Variants in ACYP2 observed in about 807,000 individuals in gnomAD.
The protein encoded by ACYP2 is acylphosphatase-2.
A neutral mutation model predicts 11.2 loss-of-function variants in ACYP2; 12 were observed. The observed-to-expected ratio is 1.08, with a 90% CI of 0.69 to 1.74. The LOEUF (loss-of-function observed/expected upper bound fraction) is 1.74. Ranked by LOEUF, ACYP2 falls within the 40% of genes most tolerant of loss-of-function variation. ACYP2 has a pLI of 0.00. For missense variants in ACYP2, 134 were observed against 101.9 expected, an observed-to-expected ratio of 1.31 and a Z score of -1.35; for synonymous variants, 43 against 32.2, an observed-to-expected ratio of 1.33 and a Z score of -1.13.
chr2:53,975,342 C>G (rs1671418788), intron 2 of ACYP2: 1 of 398,298 alleles, frequency 2.5e-6, no homozygotes, highest in Non-Finnish European at 4.4e-6. Flanking sequence ...AGGTCTCTTC[C>G]TCTTATTCTA....
At chr2:54,026,603 G>T (rs1674300958) in intron 2 of ACYP2, among the ~76,000 whole-genome samples, 1 of 152,140 alleles carries the variant, frequency 6.6e-6, no homozygotes, top group African/African-American at 2.4e-5. Flanking sequence ...AAAGACACTT[G>T]CACATGCTTG....
chr2:54,259,339 C>T (rs1687684085), intron 6 of ACYP2, among the ~76,000 whole-genome samples: 1 of 152,138 alleles, frequency 6.6e-6, no homozygotes, highest in South Asian at 2.1e-4. Context: ...GGATAATCAG[C>T]ATGCATGGAA....
intron 6 of ACYP2, among the ~76,000 whole-genome samples, chr2:54,250,520 C>T (rs1308829912): frequency 2.0e-5 from 3 of 152,120 alleles, no homozygotes; most frequent in African/African-American, 7.2e-5. Context: ...ATGTTGATAG[C>T]TACCAATAGC....
At chr2:54,054,030 A>G (rs1229700121) in intron 3 of ACYP2, among the ~76,000 whole-genome samples, 3 of 152,198 alleles carry the variant, frequency 2.0e-5, no homozygotes, top group African/African-American at 7.2e-5. Context: ...AATTGGTATA[A>G]AAACCCTAAC....
At chr2:54,210,510 G>A (rs1685289663) in intron 6 of ACYP2, among the ~76,000 whole-genome samples, 1 of 152,182 alleles carries the variant, frequency 6.6e-6, no homozygotes, top group Non-Finnish European at 1.5e-5. Flanking sequence ...TGGGATGGGT[G>A]ACTCTGCTTT....
intron 4 of ACYP2, among the ~76,000 whole-genome samples, chr2:54,065,270 G>C (rs1275668650): frequency 6.6e-6 from 1 of 152,126 alleles, no homozygotes; most frequent in African/African-American, 2.4e-5. Flanking sequence ...GAGGCATCAA[G>C]GTTAGTCCTT....
At chr2:54,001,290 G>A (rs1396831115) in intron 2 of ACYP2, among the ~76,000 whole-genome samples, 4 of 152,118 alleles carry the variant, frequency 2.6e-5, no homozygotes, top group Non-Finnish European at 5.9e-5. Flanking sequence ...GGGTCTGGGT[G>A]TTTGAAGCTG....
chr2:54,233,055 A>C (rs1321291223), intron 6 of ACYP2, among the ~76,000 whole-genome samples: 1 of 151,496 alleles, frequency 6.6e-6, no homozygotes, highest in African/African-American at 2.4e-5. Flanking sequence ...TTTTTTTTTT[A>C]ATCATGAATG....
Position 54,057,234 on chromosome 2 carries a change from T to A in ACYP2, c.156-5T>A. The A allele has an allele frequency of 2.5e-6, 1 of 397,864 alleles. No homozygotes were observed. The highest frequency in any genetic ancestry group is 4.4e-6 in the Non-Finnish European group (1 of 225,580). 24.6% of individuals were successfully genotyped at this position (397,864 alleles called of 1,614,324 possible). A position where few individuals can be genotyped will look rare whatever the true frequency, so the allele number is the denominator to read the frequency against. ...TCTTACTGTTCTCACATATTTTGTT[T>A]CCAGCTATAAATTCATACAATTATC... On this transcript the variant is annotated splice_region_variant and splice_polypyrimidine_tract_variant and intron_variant, in intron 3 of 6. Transcript: ENST00000607452.
chr2:54,260,133 C>T (rs1396726789), intron 6 of ACYP2, among the ~76,000 whole-genome samples: 1 of 152,094 alleles, frequency 6.6e-6, no homozygotes, highest in Non-Finnish European at 1.5e-5. Context: ...ATGGCAAGTT[C>T]ACTAGTGGTA....
At position 54,208,608 on chromosome 2, in the gene ACYP2, G is replaced by A. The variant is rs551903777; in HGVS notation, c.404+69860G>A. Among the ~76,000 whole-genome samples the A allele has an allele frequency of 8.5e-5, 13 of 152,122 alleles. No individual in the cohort carries two copies. In the South Asian group the frequency reaches 2.7e-3, roughly 32 times the overall value. On this transcript the variant is annotated intron_variant, in intron 6 of 6. Coordinates refer to ENST00000607452, the MANE Select transcript of ACYP2 (RefSeq NM_001320586.2). ...TCTTAGCTCCAAAGGCCTCTTTGCTGCAGAAGCCCAAATTGAAAGAGTGGC... is the reference window on the plus strand; with the variant it reads ...TCTTAGCTCCAAAGGCCTCTTTGCTACAGAAGCCCAAATTGAAAGAGTGGC...
intron 6 of ACYP2, among the ~76,000 whole-genome samples, chr2:54,291,014 A>T (rs1689281958): frequency 6.6e-6 from 1 of 152,106 alleles, no homozygotes; most frequent in African/African-American, 2.4e-5. Context: ...TAGAAAGATG[A>T]TCTATTCTTG....
chr2:54,272,299 G>C (rs1427522065), intron 6 of ACYP2, among the ~76,000 whole-genome samples: 2 of 152,154 alleles, frequency 1.3e-5, no homozygotes, highest in East Asian at 3.9e-4. Flanking sequence ...GTGTCTCTGG[G>C]CTCCTGTGAC....
intron 6 of ACYP2, among the ~76,000 whole-genome samples, chr2:54,228,507 C>G (rs1286294478): frequency 6.6e-6 from 1 of 152,184 alleles, no homozygotes; most frequent in African/African-American, 2.4e-5. Context: ...ATTCAGGGAA[C>G]TTGACTTCAG....
intron 4 of ACYP2, among the ~76,000 whole-genome samples, chr2:54,059,903 T>C (rs1317421154): frequency 6.6e-6 from 1 of 152,228 alleles, no homozygotes; most frequent in Non-Finnish European, 1.5e-5. Context: ...CTGAACTCAG[T>C]TGCTACCAGC....
chr2:54,086,012 C>T (rs924560525), intron 4 of ACYP2, among the ~76,000 whole-genome samples: 2 of 152,078 alleles, frequency 1.3e-5, no homozygotes, highest in Non-Finnish European at 2.9e-5. Flanking sequence ...GGCGCAGTCT[C>T]GGCTCACTGC....
rs796344201 is a variant in ACYP2, at chr2:54,060,875, A to G, written c.277+3515A>G. Among the ~76,000 whole-genome samples the G allele has an allele frequency of 4.0e-5, 6 of 151,688 alleles. 1 individual carries two copies. Among genetic ancestry groups the G allele is most frequent in the African/African-American group, 1.5e-4 (6 of 41,300 alleles). ...CGTTATTTACCATTCTTTCATTTGT[A>G]TCCTAGCTTTCAAATACTTGTTTTT... On this transcript the variant is annotated intron_variant, in intron 4 of 6. Transcript: ENST00000607452.
intron 2 of ACYP2, among the ~76,000 whole-genome samples, chr2:53,975,966 A>G (rs1671462825): frequency 6.6e-6 from 1 of 152,224 alleles, no homozygotes. Context: ...GGCCCTTCAA[A>G]GAAAATATTC....
At chr2:54,149,996 T>C (rs866857741) in intron 6 of ACYP2, among the ~76,000 whole-genome samples, 18 of 152,370 alleles carry the variant, frequency 1.2e-4, no homozygotes, top group Admixed American at 9.1e-4. Flanking sequence ...TGGGTGAATT[T>C]GCTGAATTTG....
Sources: gnomAD v4.1 joint callset for allele counts (sites outside exome capture counted in the v4.1 genomes callset) on GRCh38, gnomAD v4.1.1 for gene constraint, MANE v1.5 for transcripts, NCBI Gene and HGNC (gene_info 2026-07-23, HGNC 2026-07-21) for gene names.